FSTL5: variants seen among roughly 807,000 people sequenced by gnomAD.
FSTL5 encodes follistatin like 5.
A neutral mutation model predicts 89.1 loss-of-function variants in FSTL5; 62 were observed. That is an observed-to-expected ratio of 0.70 (90% CI 0.57 to 0.86). The LOEUF (loss-of-function observed/expected upper bound fraction) is 0.86, where lower values mean the gene tolerates loss of function less well. Among genes scored for constraint, FSTL5 ranks in the 40% least tolerant of loss-of-function variants. FSTL5 has a pLI of 0.00. For missense variants in FSTL5, 1,057 were observed against 1,001.6 expected (o/e 1.06, Z -0.75); for synonymous variants, 383 against 346.2 (o/e 1.11, Z -1.18).
chr4:161,550,490 T>A (rs1407541262), intron 8 of FSTL5, among the ~76,000 whole-genome samples: 2 of 151,740 alleles, frequency 1.3e-5, no homozygotes, highest in Non-Finnish European at 2.9e-5. Flanking sequence ...CATTTTATTT[T>A]ATTGAAGGTT....
Position 161,783,732 on chromosome 4 carries a change from T to TTTCTTTC in FSTL5, c.410-7659_410-7658insGAAAGAA, listed in dbSNP as rs768997156. 7.3e-3 allele frequency among the ~76,000 whole-genome samples: 106 copies of TTTCTTTC among 14,516 alleles called. 38 individuals are homozygous for TTTCTTTC. The highest frequency in any genetic ancestry group is 9.6e-3 in the African/African-American group (43 of 4,498). 9.5% of individuals were successfully genotyped at this position (14,516 alleles called of 152,430 possible). ...CTTTCTTTCTTTCTTTCTTCTTTTC[T>TTTCTTTC]TTTCTTTCTTTCTTTCTTTCTTTCT... On this transcript the variant is annotated intron_variant, in intron 4 of 15. Coordinates refer to ENST00000306100, the MANE Select transcript of FSTL5 (RefSeq NM_020116.5).
chr4:161,854,035 T>C (rs1015033357), intron 4 of FSTL5, among the ~76,000 whole-genome samples: 1 of 152,138 alleles, frequency 6.6e-6, no homozygotes, highest in Non-Finnish European at 1.5e-5. Context: ...CATAACAGCA[T>C]CTATTTATAT....
At chr4:161,961,111 A>ATCTT (rs937774744) in intron 3 of FSTL5, among the ~76,000 whole-genome samples, 7 of 152,072 alleles carry the variant, frequency 4.6e-5, no homozygotes, top group African/African-American at 9.6e-5. Context: ...CTTCGATTAT[A>ATCTT]TCTTTCTTTC....
chr4:161,759,303 T>A, intron 6 of FSTL5, 108 bp downstream of exon 6: 1 of 1,037,796 alleles, frequency 9.6e-7, no homozygotes, highest in Non-Finnish European at 1.4e-6. Flanking sequence ...AATTATATAA[T>A]TTTTCTTAAG....
chr4:161,570,511 CA>C (rs1428530493), intron 8 of FSTL5, among the ~76,000 whole-genome samples: 1 of 152,100 alleles, frequency 6.6e-6, no homozygotes, highest in Non-Finnish European at 1.5e-5. Flanking sequence ...TTAGGGGATT[CA>C]AAGTCTGGCT....
intron 4 of FSTL5, among the ~76,000 whole-genome samples, chr4:161,915,617 G>GT (rs1202785234): frequency 6.6e-6 from 1 of 152,064 alleles, no homozygotes; most frequent in Non-Finnish European, 1.5e-5. Context: ...TAATAAAATT[G>GT]TTTTTGATGT....
At chr4:161,551,518 G>A (rs1341766275) in intron 8 of FSTL5, among the ~76,000 whole-genome samples, 9 of 151,820 alleles carry the variant, frequency 5.9e-5, no homozygotes, top group South Asian at 4.2e-4. Flanking sequence ...AAAAGAGCCC[G>A]CATTGCCAAG....
chr4:161,413,144 A>G (rs1297590935), intron 15 of FSTL5, among the ~76,000 whole-genome samples: 2 of 151,938 alleles, frequency 1.3e-5, no homozygotes, highest in South Asian at 2.1e-4. Context: ...ATGGGAGAAG[A>G]TAACTCAACC....
chr4:161,697,598 A>T (rs879505977), intron 6 of FSTL5, among the ~76,000 whole-genome samples: 2 of 152,214 alleles, frequency 1.3e-5, no homozygotes, highest in African/African-American at 2.4e-5. Context: ...TATAGAATCC[A>T]CGTAAGTGCC....
At chr4:161,810,628 T>C (rs762699734) in intron 4 of FSTL5, among the ~76,000 whole-genome samples, 6 of 152,186 alleles carry the variant, frequency 3.9e-5, no homozygotes, top group Non-Finnish European at 7.4e-5. Context: ...TTAACTCAAC[T>C]CTGCTACCAT....
chr4:161,764,397 T>C (rs536682155), intron 5 of FSTL5, among the ~76,000 whole-genome samples: 1 of 152,184 alleles, frequency 6.6e-6, no homozygotes, highest in East Asian at 1.9e-4. Flanking sequence ...TAGCTGGGAC[T>C]ACAGGCTCCC....
intron 6 of FSTL5, among the ~76,000 whole-genome samples, chr4:161,756,827 A>C (rs185048800): frequency 1.3e-5 from 2 of 152,254 alleles, no homozygotes; most frequent in Non-Finnish European, 2.9e-5. Flanking sequence ...ACCAACAATA[A>C]CTGTATTTTG....
At chr4:162,130,442 T>C (rs1732255591) in intron 1 of FSTL5, among the ~76,000 whole-genome samples, 1 of 152,172 alleles carries the variant, frequency 6.6e-6, no homozygotes, top group Admixed American at 6.5e-5. Flanking sequence ...ATGCCCTATG[T>C]GAACAAAAGC....
intron 4 of FSTL5, among the ~76,000 whole-genome samples, chr4:161,830,084 T>C (rs933910740): frequency 9.2e-5 from 14 of 152,112 alleles, no homozygotes; most frequent in Non-Finnish European, 2.9e-5. Context: ...GCTGATGTAA[T>C]AACATTCAAA....
rs975832062 is a variant in FSTL5 at position 161,443,923 on chromosome 4, A to G, written c.1841+11081T>C. Among the ~76,000 whole-genome samples, 5 of 152,054 alleles carry G rather than the reference A, an allele frequency of 3.3e-5. No homozygotes were observed. The East Asian group carries it at 7.8e-4, about 24-fold the overall frequency. Reference sequence around the variant, plus strand: ...AAGGCTGCTGAAGGAGGGAGCTTCAATGTAGTTTGGACATGATCTATAAGC... The same window carrying G: ...AAGGCTGCTGAAGGAGGGAGCTTCAGTGTAGTTTGGACATGATCTATAAGC... On this transcript the variant is annotated intron_variant, in intron 15 of 15. Transcript: ENST00000306100.
chr4:161,809,721 T>C (rs1361296415), intron 4 of FSTL5, among the ~76,000 whole-genome samples: 3 of 152,178 alleles, frequency 2.0e-5, no homozygotes, highest in East Asian at 1.9e-4. Flanking sequence ...AAGTGAAATA[T>C]CCATTCACAA....
At chr4:161,461,785 T>G (rs1037171166) in intron 13 of FSTL5, among the ~76,000 whole-genome samples, 4 of 152,186 alleles carry the variant, frequency 2.6e-5, no homozygotes, top group Non-Finnish European at 5.9e-5. Flanking sequence ...TAAGATTCCT[T>G]TGATTTTTCA....
intron 1 of FSTL5, among the ~76,000 whole-genome samples, chr4:162,136,479 G>T (rs1159596551): frequency 6.6e-6 from 1 of 151,874 alleles, no homozygotes; most frequent in African/African-American, 2.4e-5. Flanking sequence ...TAGATATAAG[G>T]GTTCCTATAA....
chr4:161,973,577 T>G (rs1483343564), intron 3 of FSTL5, among the ~76,000 whole-genome samples: 1 of 152,196 alleles, frequency 6.6e-6, no homozygotes, highest in Non-Finnish European at 1.5e-5. Context: ...TTAAATGAGT[T>G]AAAGCATGAA....
Sources: gnomAD v4.1 joint callset for allele counts (sites outside exome capture counted in the v4.1 genomes callset) on GRCh38, gnomAD v4.1.1 for gene constraint, MANE v1.5 for transcripts, NCBI Gene and HGNC (gene_info 2026-07-23, HGNC 2026-07-21) for gene names.